The following TRIM50 variants were observed in gnomAD, a reference collection of about 807,000 sequenced individuals.
TRIM50 encodes E3 ubiquitin-protein ligase TRIM50.
In TRIM50, 34 loss-of-function variants were observed where a neutral mutation model predicts 44.9. That is an observed-to-expected ratio of 0.76 (90% CI 0.58 to 1.01). The LOEUF (loss-of-function observed/expected upper bound fraction) is 1.01, where lower values mean the gene tolerates loss of function less well. Among genes scored for constraint, TRIM50 ranks in the 50% least tolerant of loss-of-function variants. The probability of loss-of-function intolerance (pLI) is 0.00; values close to 1 mark genes in which losing one functional copy is unlikely to be tolerated. For missense variants in TRIM50, 633 were observed against 663.7 expected, an observed-to-expected ratio of 0.95 and a Z score of 0.51; for synonymous variants, 307 against 291.1, an observed-to-expected ratio of 1.05 and a Z score of -0.56.
chr7:73,324,396 C>G lies in TRIM50; in HGVS notation c.392G>C (p.Arg131Pro). The G allele has an allele frequency of 6.2e-7, 1 of 1,613,864 alleles. No homozygotes were observed. Among genetic ancestry groups the G allele is most frequent in the Non-Finnish European group, 8.5e-7 (1 of 1,180,014 alleles). The change falls in exon 2 of 7, where the codon CGC (arginine) becomes CCC (proline). Residue 131 changes from arginine to proline, a missense_variant. Coordinates refer to ENST00000333149, the MANE Select transcript of TRIM50 (RefSeq NM_178125.3). ...PVTPVSTVYS[R>P]MKEELAALIS... ...TGCACCCTCACTCCCCACCTTCATG[C>G]GGCTGTAGACGGTGGAGACGGGCGT...
rs782366525 is a variant in TRIM50, at chr7:73,313,414, C to G, written c.971G>C (p.Arg324Pro). Residue 324 changes from arginine to proline, a missense_variant, in exon 7 of 7, where the codon CGG (arginine) becomes CCG (proline). Coordinates refer to ENST00000333149, the MANE Select transcript of TRIM50 (RefSeq NM_178125.3). This position sits in a 1 kb window ranked among gnomAD's most constrained non-coding sequence, Gnocchi z 4.9. ...GAAGCGCTCAGGCTGGCTGGCTCGC[C>G]GCTGGGCCAGAAGCCCGCACTGCAC... ...TVVQCGLLAQ[R>P]RASQPERFDY... The G allele has an allele frequency of 6.4e-7, 1 of 1,573,568 alleles. No homozygotes were observed. Among genetic ancestry groups the G allele is most frequent in the South Asian group, 1.2e-5 (1 of 86,718 alleles).
rs1804288086 is a variant in TRIM50 at position 73,313,576 on chromosome 7, C to G, written c.875-66G>C. The G allele has an allele frequency of 2.2e-6, 3 of 1,346,040 alleles. No homozygotes were observed. Among genetic ancestry groups the G allele is most frequent in the Non-Finnish European group, 3.0e-6 (3 of 1,015,142 alleles). The allele number at this position is 1,346,040 out of a possible 1,614,324, so 83.4% of individuals were successfully genotyped here. ...GGGCAGCAGACCCGGCCCACAGAAG[C>G]TGATGGAGGCCCTGAACTCCCCAAG... On this transcript the variant is annotated intron_variant, in intron 6 of 6. Coordinates refer to ENST00000333149, the MANE Select transcript of TRIM50 (RefSeq NM_178125.3). This position sits in a 1 kb window ranked among gnomAD's most constrained non-coding sequence, Gnocchi z 4.9.
chr7:73,318,960 C>A lies in TRIM50; in HGVS notation c.588G>T (p.Gly196=), dbSNP rs1554544601. ...CCAGGCCACGGGTGTGACCCCCTAT[C>A]CCCTCCAGGCAGCGGGCCTTCTCCT... is the stretch of plus-strand genomic sequence containing the variant. ...VDEEKARCLE[G]IGGHTRGLVA... The change falls in exon 4 of 7, where the codon GGG becomes GGT. Residue 196 remains glycine (G), a synonymous_variant. Transcript: ENST00000333149. 1 of 1,614,038 alleles carries A rather than the reference C, an allele frequency of 6.2e-7. No individual in the cohort carries two copies. Among genetic ancestry groups the A allele is most frequent in the South Asian group, 1.1e-5 (1 of 91,084 alleles).
rs142405970 is a variant in TRIM50 at position 73,319,729 on chromosome 7, T to C, written c.495+418A>G. ...CGGGGCACTATGGCTCCCAGCCCCATGTGCCTCTCACTTCGGGAGATCAGC... is the reference window on the plus strand; with the variant it reads ...CGGGGCACTATGGCTCCCAGCCCCACGTGCCTCTCACTTCGGGAGATCAGC... On this transcript the variant is annotated intron_variant, in intron 3 of 6. Transcript: ENST00000333149. Among the ~76,000 whole-genome samples the C allele has an allele frequency of 4.8e-3, 724 of 152,346 alleles. 1 individual carries two copies. The highest frequency in any genetic ancestry group is 6.8e-3 in the Non-Finnish European group (463 of 68,022).
chr7:73,316,794 C>G (rs1804372139), intron 5 of TRIM50, 105 bp from the exon 6 acceptor site: 1 of 1,498,660 alleles, frequency 6.7e-7, no homozygotes, highest in African/African-American at 1.4e-5. Flanking sequence ...TGCAGGACTG[C>G]AGTCACAATG....
chr7:73,324,377 C>G lies in TRIM50; in HGVS notation c.399+12G>C. On this transcript the variant is annotated intron_variant, in intron 2 of 6. Transcript: ENST00000333149. ...GGGCCTCTCCAGCCGCCCCTGCACCCTCACTCCCCACCTTCATGCGGCTGT... is the reference window on the plus strand; with the variant it reads ...GGGCCTCTCCAGCCGCCCCTGCACCGTCACTCCCCACCTTCATGCGGCTGT... 6.2e-7 allele frequency: 1 copy of G among 1,614,030 alleles called. No individual in the cohort carries two copies. The highest frequency in any genetic ancestry group is 8.5e-7 in the Non-Finnish European group (1 of 1,180,024).
At position 73,313,141 on chromosome 7, in the gene TRIM50, C is replaced by T. The variant is rs782202787; in HGVS notation, c.1244G>A (p.Gly415Glu). ...LPVAGHPHRI[G>E]LYLHYEQGEL... ...GCCCTGCTCATAGTGCAGGTAGAGC[C>T]CGATGCGGTGGGGGTGGCCGGCCAC... Residue 415 changes from glycine (G) to glutamate (E), a missense_variant, in exon 7 of 7, where the codon GGG becomes GAG. Transcript: ENST00000333149. This position sits in a 1 kb window ranked among gnomAD's most constrained non-coding sequence, Gnocchi z 4.9. 4.4e-6 allele frequency: 7 copies of T among 1,590,584 alleles called. 1 individual carries two copies. The South Asian group carries it at 8.0e-5, about 18-fold the overall frequency.
chr7:73,313,233 C>T lies in TRIM50; in HGVS notation c.1152G>A (p.Val384=), dbSNP rs1554543412. 1 of 1,595,146 alleles carries T rather than the reference C, an allele frequency of 6.3e-7. No homozygotes were observed. Among genetic ancestry groups the T allele is most frequent in the African/African-American group, 1.3e-5 (1 of 74,714 alleles). Residue 384 remains valine (V), a synonymous_variant, in exon 7 of 7, where the codon GTG becomes GTA. Coordinates refer to ENST00000333149, the MANE Select transcript of TRIM50 (RefSeq NM_178125.3). The surrounding 1 kb of genome is among the most constrained non-coding windows in gnomAD (Gnocchi z 4.9). ...GGCCCTCCTTCAGGCCGATCAGCCA[C>T]ACGCCGTGCTCGGGGGACCTGTTCA... ...GKLNRSPEHG[V]WLIGLKEGRV...
In TRIM50 at chr7:73,324,480, TC is replaced by T; in HGVS notation, c.307del (p.Asp103ThrfsTer30). ...RNPLSLFCEKDQELICGLCGL... is the reference protein window; with the variant it reads ...RNPLSLFCEKXQELICGLCGL... The stretch of plus-strand genomic sequence containing the variant: ...GCAGAGGCCACAGATGAGCTCCTGG[TC>T]CTTCTCGCAGAAAAGGCTGAGCGGG... On this transcript the variant is annotated frameshift_variant, in exon 2 of 7. Transcript: ENST00000333149. LOFTEE classifies it high-confidence loss of function. The T allele has an allele frequency of 6.2e-7, 1 of 1,613,492 alleles. No individual in the cohort carries two copies. Among genetic ancestry groups the T allele is most frequent in the Non-Finnish European group, 8.5e-7 (1 of 1,179,984 alleles).
At chr7:73,315,042 G>A in intron 6 of TRIM50, 1 of 340,384 alleles carries the variant, frequency 2.9e-6, no homozygotes, top group Non-Finnish European at 5.6e-6. Flanking sequence ...AGGTTAACTT[G>A]GAAGACAAAG....
chr7:73,314,326 G>C (rs1186506989), intron 6 of TRIM50: 1 of 364,408 alleles, frequency 2.7e-6, no homozygotes, highest in Non-Finnish European at 5.3e-6. Context: ...ATAAGTAGCA[G>C]AAACTGTCTC....
chr7:73,312,581 G>T lies in TRIM50; in HGVS notation c.*340C>A, dbSNP rs1804245658. On this transcript the variant is annotated 3_prime_UTR_variant, in exon 7 of 7. Transcript: ENST00000333149. Reference sequence around the variant, plus strand: ...GTCAAATTTATTATCCTTGATAGTAGTTGAAAGTTCACAGTAATATGGAAA... The same window carrying T: ...GTCAAATTTATTATCCTTGATAGTATTTGAAAGTTCACAGTAATATGGAAA... 3.6e-6 allele frequency: 1 copy of T among 277,276 alleles called. No homozygotes were observed. The highest frequency in any genetic ancestry group is 6.7e-6 in the Non-Finnish European group (1 of 149,422). The allele number at this position is 277,276 out of a possible 1,614,324, so 17.2% of individuals were successfully genotyped here.
At chr7:73,318,620 C>T in intron 5 of TRIM50, 67 bp downstream of exon 5, 1 of 1,611,914 alleles carries the variant, frequency 6.2e-7, no homozygotes, top group Non-Finnish European at 8.5e-7. Flanking sequence ...ATGGAGGAAC[C>T]AGTGGAGCTG....
chr7:73,317,645 GC>G (rs1444935053), intron 5 of TRIM50, among the ~76,000 whole-genome samples: 1 of 151,788 alleles, frequency 6.6e-6, no homozygotes, highest in Non-Finnish European at 1.5e-5. Context: ...GGTGTAAGCC[GC>G]CATGCCCAGC....
intron 2 of TRIM50, among the ~76,000 whole-genome samples, chr7:73,323,681 C>T (rs1258904971): frequency 1.3e-5 from 2 of 152,190 alleles, no homozygotes; most frequent in African/African-American, 4.8e-5. Flanking sequence ...CACTGAAATA[C>T]ACCAGGGGAC....
Position 73,324,406 on chromosome 7 carries a change from C to T in TRIM50, c.382G>A (p.Val128Ile), listed in dbSNP as rs782395135. The T allele has an allele frequency of 7.4e-6, 12 of 1,613,678 alleles. No individual in the cohort carries two copies. Among genetic ancestry groups the T allele is most frequent in the South Asian group, 2.2e-5 (2 of 91,062 alleles). Residue 128 changes from valine (V) to isoleucine (I), a missense_variant, in exon 2 of 7, where the codon GTC (valine) becomes ATC (isoleucine). Physicochemically the swap from Val to Ile is conservative, Grantham distance 29. Coordinates refer to ENST00000333149, the MANE Select transcript of TRIM50 (RefSeq NM_178125.3). ...CTCCCCACCTTCATGCGGCTGTAGA[C>T]GGTGGAGACGGGCGTGACCGGGTGG... ...QHHPVTPVST[V>I]YSRMKEELAA...
At chr7:73,317,391 T>C (rs1554544271) in intron 5 of TRIM50, among the ~76,000 whole-genome samples, 1 of 144,074 alleles carries the variant, frequency 6.9e-6, no homozygotes. Flanking sequence ...GGAGTCTTGC[T>C]CTGTCGCCCA....
At position 73,316,555 on chromosome 7, in the gene TRIM50, A is replaced by G. The variant is rs1554544088; in HGVS notation, c.874+10T>C. On this transcript the variant is annotated intron_variant, in intron 6 of 6. Transcript: ENST00000333149. ...CAGCCCTCAGGAAGGAGGACGGGTC[A>G]GGGCCTCACCTGGCAAAACTTTCCG... 1.2e-6 allele frequency: 2 copies of G among 1,614,006 alleles called. No individual in the cohort carries two copies. Among genetic ancestry groups the G allele is most frequent in the Non-Finnish European group, 1.7e-6 (2 of 1,179,962 alleles).
intron 2 of TRIM50, 134 bp from the exon 3 acceptor site, chr7:73,320,376 G>C: frequency 7.7e-7 from 1 of 1,300,892 alleles, no homozygotes; most frequent in Non-Finnish European, 1.1e-6. Context: ...GAGCCACCCA[G>C]GTACCCTTGA....
Sources: allele counts gnomAD v4.1 joint callset (sites outside exome capture counted in the v4.1 genomes callset), GRCh38; gene constraint gnomAD v4.1.1; non-coding constraint Gnocchi (gnomAD v3.1); transcripts MANE v1.5; gene names NCBI Gene and HGNC (gene_info 2026-07-23, HGNC 2026-07-21).